Variants in DNM3 observed in about 807,000 individuals in gnomAD.
DNM3 encodes dynamin 3, also known as dynamin-3.
DNM3 carries 47 observed loss-of-function variants against 101.6 expected under a neutral mutation model. The observed-to-expected ratio is 0.46, with a 90% confidence interval of 0.37 to 0.59. The LOEUF is 0.59. Among genes scored for constraint, DNM3 ranks in the 20% least tolerant of loss-of-function variants. The pLI, the probability that DNM3 is intolerant of heterozygous loss-of-function variation, is 0.00. For missense variants in DNM3, 849 were observed against 1,085.7 expected (o/e 0.78, Z 3.06); for synonymous variants, 385 against 387.9 (o/e 0.99, Z 0.09).
intron 14 of DNM3, chr1:172,133,520 CTAGGA>C: frequency 1.3e-6 from 1 of 794,426 alleles, no homozygotes; most frequent in Non-Finnish European, 1.5e-6. Context: ...TGAAGAAATT[CTAGGA>C]AAGGGTAGTT....
chr1:172,179,773 T>G (rs1229945127), intron 14 of DNM3, among the ~76,000 whole-genome samples: 1 of 151,994 alleles, frequency 6.6e-6, no homozygotes, highest in Admixed American at 6.6e-5. Flanking sequence ...GTAAAAGCAC[T>G]TCTTCATATC....
chr1:172,396,687 C>A (rs2070031795), intron 20 of DNM3, among the ~76,000 whole-genome samples: 1 of 152,126 alleles, frequency 6.6e-6, no homozygotes, highest in Admixed American at 6.5e-5. Context: ...ATCAAATATA[C>A]CACTTGCTTC....
intron 15 of DNM3, among the ~76,000 whole-genome samples, chr1:172,295,468 G>T (rs187998483): frequency 6.6e-6 from 1 of 151,962 alleles, no homozygotes; most frequent in Non-Finnish European, 1.5e-5. Flanking sequence ...CATGAAGAAA[G>T]CAGCAGAAAG....
chr1:172,370,497 A>T (rs975289791), intron 17 of DNM3, among the ~76,000 whole-genome samples: 1 of 151,996 alleles, frequency 6.6e-6, no homozygotes, highest in Admixed American at 6.6e-5. Flanking sequence ...TACTATCTTT[A>T]TGATCTCAGG....
chr1:171,882,112 C>T (rs574219735), intron 1 of DNM3, among the ~76,000 whole-genome samples: 27 of 152,010 alleles, frequency 1.8e-4, no homozygotes, highest in Middle Eastern at 3.4e-3. Context: ...TTTAGGAGGC[C>T]GAGGTGGGCG....
chr1:172,121,952 A>G (rs2056348475), intron 13 of DNM3, among the ~76,000 whole-genome samples: 1 of 152,158 alleles, frequency 6.6e-6, no homozygotes, highest in South Asian at 2.1e-4. Flanking sequence ...GTGATTTCCC[A>G]TATACTACTT....
At chr1:172,273,643 C>T (rs2063167274) in intron 15 of DNM3, among the ~76,000 whole-genome samples, 1 of 152,078 alleles carries the variant, frequency 6.6e-6, no homozygotes, top group Non-Finnish European at 1.5e-5. Flanking sequence ...TGCACATACT[C>T]TCTTTCAAAT....
At chr1:171,920,214 A>C (rs1237854176) in intron 1 of DNM3, among the ~76,000 whole-genome samples, 1 of 152,174 alleles carries the variant, frequency 6.6e-6, no homozygotes, top group Non-Finnish European at 1.5e-5. Flanking sequence ...CTATCAGTGC[A>C]GCTAAACACT....
chr1:171,893,157 T>A (rs2125184798), intron 1 of DNM3, among the ~76,000 whole-genome samples: 1 of 152,278 alleles, frequency 6.6e-6, no homozygotes, highest in Admixed American at 6.5e-5. Context: ...TGCAATAGAG[T>A]TAGACTGTCT....
chr1:171,874,553 A>C (rs2035582068), intron 1 of DNM3, among the ~76,000 whole-genome samples: 1 of 152,210 alleles, frequency 6.6e-6, no homozygotes, highest in Non-Finnish European at 1.5e-5. Flanking sequence ...TTTTATCATC[A>C]AAATATAATA....
chr1:172,147,206 T>A (rs906889921), intron 14 of DNM3, among the ~76,000 whole-genome samples: 1 of 152,102 alleles, frequency 6.6e-6, no homozygotes. Flanking sequence ...CTCAAAAAGC[T>A]CACACTTACA....
intron 15 of DNM3, among the ~76,000 whole-genome samples, chr1:172,303,475 G>A (rs1458832038): frequency 6.6e-6 from 1 of 152,144 alleles, no homozygotes; most frequent in East Asian, 1.9e-4. Context: ...TCATCCAGGA[G>A]AACTTCCAAC....
At chr1:172,286,526 T>C (rs947022982) in intron 15 of DNM3, among the ~76,000 whole-genome samples, 1 of 152,154 alleles carries the variant, frequency 6.6e-6, no homozygotes, top group Non-Finnish European at 1.5e-5. Context: ...TGTCCCCCTA[T>C]GGGAAAATAG....
At chr1:172,389,990 A>T (rs1051583666) in intron 20 of DNM3, among the ~76,000 whole-genome samples, 1 of 152,148 alleles carries the variant, frequency 6.6e-6, no homozygotes, top group African/African-American at 2.4e-5. Context: ...AACAGGGAGA[A>T]CTCAATAAGG....
intron 17 of DNM3, among the ~76,000 whole-genome samples, chr1:172,354,106 T>TGAGAGAGAGAGA (rs1261996806): frequency 7.6e-5 from 2 of 26,436 alleles, no homozygotes; most frequent in African/African-American, 1.0e-4. Context: ...TGTGTGTGTG[T>TGAGAGAGAGAGA]GTGTGTGAGA....
Position 172,194,073 on chromosome 1 carries a change from T to C in DNM3, c.1660-59500T>C, listed in dbSNP as rs1446580291. 3.3e-5 allele frequency among the ~76,000 whole-genome samples: 5 copies of C among 152,178 alleles called. No individual in the cohort carries two copies. In the East Asian group the frequency reaches 9.6e-4, roughly 29 times the overall value. The stretch of plus-strand genomic sequence containing the variant: ...CTGGTATGTTGTGTCTTTGTTCTCA[T>C]TGGTTTCAAAGAACATCTTTAATTC... On this transcript the variant is annotated intron_variant, in intron 14 of 20. Transcript: ENST00000627582.
In DNM3 at chr1:172,388,638, C is replaced by T; in HGVS notation, c.2351C>T (p.Thr784Ile). The change falls in exon 20 of 21, where the codon ACA becomes ATA. Residue 784 changes from threonine (T) to isoleucine (I), a missense_variant. By Grantham distance (89) the Thr-to-Ile change is moderately conservative. Around this residue, in one of 5 missense-constraint regions of DNM3, gnomAD observed 256 missense variants for 311.7 expected, o/e 0.82. Transcript: ENST00000627582. Reference protein sequence around the residue: ...PTLSAPLARPTSGRGPAPAIP... With the variant: ...PTLSAPLARPISGRGPAPAIP... The stretch of plus-strand genomic sequence containing the variant: ...CTAAGTGCTCCCCTCGCAAGGCCCA[C>T]ATCCGGCCGAGGACCAGCTCCTGCC... The T allele has an allele frequency of 6.2e-7, 1 of 1,614,052 alleles. No individual in the cohort carries two copies. Among genetic ancestry groups the T allele is most frequent in the South Asian group, 1.1e-5 (1 of 91,086 alleles).
At chr1:172,028,175 A>T (rs1375245775) in intron 4 of DNM3, among the ~76,000 whole-genome samples, 2 of 151,968 alleles carry the variant, frequency 1.3e-5, no homozygotes, top group African/African-American at 4.8e-5. Flanking sequence ...GAAGTAAAAC[A>T]CTCCTCAGCA....
At chr1:172,230,584 G>C (rs2061296687) in intron 14 of DNM3, among the ~76,000 whole-genome samples, 1 of 152,156 alleles carries the variant, frequency 6.6e-6, no homozygotes, top group African/African-American at 2.4e-5. Context: ...AACAAAATTA[G>C]AATGTTCCTT....
Sources: gnomAD v4.1 joint callset for allele counts (sites outside exome capture counted in the v4.1 genomes callset) on GRCh38, gnomAD v4.1.1 for gene constraint, gnomAD v4.1.1 regional missense constraint, MANE v1.5 for transcripts, NCBI Gene and HGNC (gene_info 2026-07-23, HGNC 2026-07-21) for gene names.